The following NCAPD3 variants were observed in gnomAD, a reference collection of about 807,000 sequenced individuals.
The protein encoded by NCAPD3 is non-SMC condensin II complex subunit D3, also known as condensin-2 complex subunit D3.
NCAPD3 carries 105 observed loss-of-function variants against 182.9 expected under a neutral mutation model. That is an observed-to-expected ratio of 0.57 (90% CI 0.49 to 0.68). NCAPD3 has a LOEUF of 0.68. Ranked by LOEUF, NCAPD3 falls within the 30% of genes least tolerant of loss-of-function variation. The probability of loss-of-function intolerance (pLI) is 0.00; values close to 1 mark genes in which losing one functional copy is unlikely to be tolerated. For missense variants in NCAPD3, 1,944 were observed against 1,837.0 expected, an observed-to-expected ratio of 1.06 and a Z score of -1.07; for synonymous variants, 815 against 679.9, an observed-to-expected ratio of 1.20 and a Z score of -3.09.
chr11:134,184,803 G>GCA (rs1565539345), intron 18 of NCAPD3, 51 bp from the exon 19 acceptor site: 2 of 912,740 alleles, frequency 2.2e-6, no homozygotes, highest in South Asian at 2.9e-5. Context: ...ATATATTCAG[G>GCA]TATATATACA....
At chr11:134,161,187 AG>A (rs1403854386) in intron 28 of NCAPD3, among the ~76,000 whole-genome samples, 1 of 152,214 alleles carries the variant, frequency 6.6e-6, no homozygotes, top group East Asian at 1.9e-4. Context: ...GCTGAATTAA[AG>A]AAAAACTATG....
rs190436341 is a variant in NCAPD3 at position 134,163,100 on chromosome 11, T to C, written c.3574-1209A>G. 4.2e-3 allele frequency among the ~76,000 whole-genome samples: 636 copies of C among 151,966 alleles called. 4 individuals carry two copies. The highest frequency in any genetic ancestry group is 0.015 in the African/African-American group (609 of 41,440). ...TTAGAGGTGAGGATGGAGGGAGGTA[T>C]GGGAAAGGTGGAAGGCACACCAGAA... On this transcript the variant is annotated intron_variant, in intron 27 of 34. Coordinates refer to ENST00000534548, the MANE Select transcript of NCAPD3 (RefSeq NM_015261.3).
chr11:134,157,070 C>T lies in NCAPD3; in HGVS notation c.4200G>A (p.Glu1400=), dbSNP rs544696623. 3 of 1,613,766 alleles carry T rather than the reference C, an allele frequency of 1.9e-6. No individual in the cohort carries two copies. Among genetic ancestry groups the T allele is most frequent in the South Asian group, 1.1e-5 (1 of 90,972 alleles). Residue 1400 remains glutamate (E), a synonymous_variant, in exon 32 of 35, where the codon GAG becomes GAA. Transcript: ENST00000534548. The part of the protein sequence containing the change: ...SQVSSYSLEQ[E]SNGEIEHVTK... The stretch of plus-strand genomic sequence containing the variant: ...TCACGTGCTCAATCTCGCCATTCGA[C>T]TCTTGCTCCAAACTGTATGAAGACA...
chr11:134,202,759 AC>A, intron 13 of NCAPD3, 56 bp downstream of exon 13: 1 of 1,330,568 alleles, frequency 7.5e-7, no homozygotes, highest in Non-Finnish European at 1.0e-6. Flanking sequence ...GACTCTACTT[AC>A]GGTTGTCTGA....
Position 134,193,043 on chromosome 11 carries a change from C to G in NCAPD3, c.1825-134G>C, listed in dbSNP as rs1944556945. The stretch of plus-strand genomic sequence containing the variant: ...CATAGAGTGAAAAAAGAAAAAAATT[C>G]AAAAAATATACAAAAGCAAAGCCAG... On this transcript the variant is annotated intron_variant, in intron 15 of 34. Transcript: ENST00000534548. The G allele has an allele frequency of 1.0e-5, 6 of 579,564 alleles. No individual in the cohort carries two copies. In the South Asian group the frequency reaches 1.5e-4, roughly 14 times the overall value. The allele number at this position is 579,564 out of a possible 1,614,324, so 35.9% of individuals were successfully genotyped here. A position where few individuals can be genotyped will look rare whatever the true frequency, so the allele number is the denominator to read the frequency against.
intron 13 of NCAPD3, among the ~76,000 whole-genome samples, chr11:134,197,468 G>A (rs922899320): frequency 6.6e-6 from 1 of 151,854 alleles, no homozygotes; most frequent in Non-Finnish European, 1.5e-5. Context: ...GTAGAGATGG[G>A]GTTTCACCAT....
At position 134,168,455 on chromosome 11, in the gene NCAPD3, C is replaced by G. The variant is rs1340621839; in HGVS notation, c.3373+14G>C. The G allele has an allele frequency of 6.2e-7, 1 of 1,613,950 alleles. No individual in the cohort carries two copies. Among genetic ancestry groups the G allele is most frequent in the Admixed American group, 1.7e-5 (1 of 60,024 alleles). Reference sequence around the variant, plus strand: ...GCAAACACACACATTTTCTCCCACACACACTGGGCTTACCCAAAATACTAA... The same window carrying G: ...GCAAACACACACATTTTCTCCCACAGACACTGGGCTTACCCAAAATACTAA... On this transcript the variant is annotated intron_variant, in intron 26 of 34. Coordinates refer to ENST00000534548, the MANE Select transcript of NCAPD3 (RefSeq NM_015261.3).
At chr11:134,187,313 T>C (rs1223751513) in intron 16 of NCAPD3, among the ~76,000 whole-genome samples, 1 of 152,216 alleles carries the variant, frequency 6.6e-6, no homozygotes, top group African/African-American at 2.4e-5. Flanking sequence ...AATAACTAAT[T>C]GCTGATTTGA....
At chr11:134,181,644 C>T (rs371452624) in intron 19 of NCAPD3, among the ~76,000 whole-genome samples, 4 of 152,230 alleles carry the variant, frequency 2.6e-5, no homozygotes, top group African/African-American at 4.8e-5. Flanking sequence ...ACAAGTGTTC[C>T]GTGTCTCTCA....
chr11:134,158,316 A>G lies in NCAPD3; in HGVS notation c.4034+13T>C, dbSNP rs1202896901. The G allele has an allele frequency of 6.2e-7, 1 of 1,613,684 alleles. No individual in the cohort carries two copies. Among genetic ancestry groups the G allele is most frequent in the African/African-American group, 1.3e-5 (1 of 74,910 alleles). On this transcript the variant is annotated intron_variant, in intron 30 of 34. Coordinates refer to ENST00000534548, the MANE Select transcript of NCAPD3 (RefSeq NM_015261.3). ...GAGAACCAGCCCTGATGTGGCCTCC[A>G]GGGGCTCTTTACCTGGCTTTGGGCA...
At chr11:134,187,577 T>C (rs1360522364) in intron 16 of NCAPD3, among the ~76,000 whole-genome samples, 2 of 152,194 alleles carry the variant, frequency 1.3e-5, no homozygotes, top group African/African-American at 2.4e-5. Flanking sequence ...TCCTTTCTGG[T>C]AACCCTTACT....
chr11:134,196,321 A>T (rs1404821870), intron 13 of NCAPD3, among the ~76,000 whole-genome samples: 3 of 152,162 alleles, frequency 2.0e-5, no homozygotes, highest in Non-Finnish European at 4.4e-5. Context: ...AGAAATAGAA[A>T]ATCTGAATAT....
chr11:134,193,240 A>G (rs140819072), intron 15 of NCAPD3, among the ~76,000 whole-genome samples: 2 of 152,224 alleles, frequency 1.3e-5, no homozygotes, highest in African/African-American at 4.8e-5. Flanking sequence ...CAAAATATGC[A>G]TTGCTTAATG....
chr11:134,220,470 T>C, intron 2 of NCAPD3, 102 bp downstream of exon 2: 1 of 1,132,476 alleles, frequency 8.8e-7, no homozygotes, highest in Non-Finnish European at 1.3e-6. Context: ...TTGTACTCCC[T>C]GTGAACTGTA....
intron 28 of NCAPD3, 40 bp downstream of exon 28, chr11:134,161,741 G>C (rs1275666988): frequency 8.3e-7 from 1 of 1,203,856 alleles, no homozygotes. Flanking sequence ...GTAATGAACT[G>C]GTAGGACAAC....
At chr11:134,162,451 A>T (rs547510421) in intron 27 of NCAPD3, among the ~76,000 whole-genome samples, 1 of 152,216 alleles carries the variant, frequency 6.6e-6, no homozygotes, top group Non-Finnish European at 1.5e-5. Flanking sequence ...TTTACCTTGA[A>T]TGATCACTAA....
rs756791397 is a variant in NCAPD3 at position 134,223,909 on chromosome 11, G to A, written c.18C>T (p.Gly6=). The A allele has an allele frequency of 1.1e-5, 17 of 1,612,682 alleles. No individual in the cohort carries two copies. The Admixed American group carries it at 1.7e-4, about 16-fold the overall frequency. MVALR[G]LGSGLQPWCP... is the part of the protein sequence containing the mutation. ...ACCAGGGCTGCAGGCCGCTACCAAG[G>A]CCCCGCAACGCCACCATGATCCCAG... Residue 6 remains glycine, a synonymous_variant, in exon 1 of 35, where the codon GGC becomes GGT. Coordinates refer to ENST00000534548, the MANE Select transcript of NCAPD3 (RefSeq NM_015261.3).
At position 134,209,459 on chromosome 11, in the gene NCAPD3, C is replaced by A; in HGVS notation, c.586G>T (p.Glu196Ter). ...AAACAAATATTCTCATCTTCTTGTT[C>A]TTCTATAATTTCATCCATCTAGATT... Reference protein sequence around the residue: ...EDIEMDEIIEEQEDENICFSA... With the variant: ...EDIEMDEIIE The change falls in exon 5 of 35, where the codon GAA becomes TAA. Residue 196 changes from glutamate to a stop codon, truncating the protein, a stop_gained. Transcript: ENST00000534548. LOFTEE classifies it high-confidence loss of function. The A allele has an allele frequency of 1.2e-6, 2 of 1,611,260 alleles. No homozygotes were observed. The highest frequency in any genetic ancestry group is 1.7e-6 in the Non-Finnish European group (2 of 1,179,000).
chr11:134,180,504 C>T (rs770271154), intron 20 of NCAPD3, among the ~76,000 whole-genome samples: 1 of 152,198 alleles, frequency 6.6e-6, no homozygotes, highest in African/African-American at 2.4e-5. Context: ...AGCCCACTGT[C>T]CCGTCCTGGC....
Sources: gnomAD v4.1 joint callset for allele counts (sites outside exome capture counted in the v4.1 genomes callset) on GRCh38, gnomAD v4.1.1 for gene constraint, MANE v1.5 for transcripts, NCBI Gene and HGNC (gene_info 2026-07-23, HGNC 2026-07-21) for gene names.